The following MCPH1 variants were observed in gnomAD, a reference collection of about 807,000 sequenced individuals.
MCPH1 encodes the protein microcephalin.
In MCPH1, 104 loss-of-function variants were observed where a neutral mutation model predicts 84.5. The ratio of observed to expected loss-of-function variants is 1.23; its 90% CI spans 1.05 to 1.45. The LOEUF (loss-of-function observed/expected upper bound fraction) is 1.45, where lower values mean the gene tolerates loss of function less well. Ranked by LOEUF, MCPH1 falls within the 40% of genes most tolerant of loss-of-function variation. MCPH1 has a pLI of 0.00. For synonymous variants in MCPH1, 514 were observed against 366.8 expected (o/e 1.40, Z -4.58); for missense variants, 1,498 against 1,005.7 (o/e 1.49, Z -6.62).
At position 6,427,767 on chromosome 8, in the gene MCPH1, C is replaced by T. The variant is rs1483022763; in HGVS notation, c.234-3732C>T. ...CCTAGGTTATGTATAATACCTAATA[C>T]GAGTACTTCGTAAGTAGTTATTATA... On this transcript the variant is annotated intron_variant, in intron 3 of 13. Coordinates refer to ENST00000344683, the MANE Select transcript of MCPH1 (RefSeq NM_024596.5). 4.0e-5 allele frequency among the ~76,000 whole-genome samples: 6 copies of T among 148,214 alleles called. No individual in the cohort carries two copies. The East Asian group carries it at 6.1e-4, about 15-fold the overall frequency.
chr8:6,477,450 A>T, intron 9 of MCPH1, 144 bp from the exon 10 acceptor site: 1 of 689,562 alleles, frequency 1.5e-6, no homozygotes, highest in Non-Finnish European at 2.4e-6. Flanking sequence ...AGGAATATAA[A>T]GGTTTTTTTT....
chr8:6,425,541 C>T (rs1328607166), intron 3 of MCPH1, among the ~76,000 whole-genome samples: 2 of 152,142 alleles, frequency 1.3e-5, no homozygotes, highest in Non-Finnish European at 2.9e-5. Context: ...AGATGAAATT[C>T]AGGGAGAGCA....
At chr8:6,551,117 C>A (rs955062858) in intron 12 of MCPH1, among the ~76,000 whole-genome samples, 3 of 152,218 alleles carry the variant, frequency 2.0e-5, no homozygotes, top group Non-Finnish European at 2.9e-5. Flanking sequence ...TCCTGGGCCC[C>A]TGACTCGAAG....
At chr8:6,507,984 G>A (rs1814125843) in intron 12 of MCPH1, 1 of 152,108 alleles carries the variant, frequency 6.6e-6, no homozygotes, top group Admixed American at 6.5e-5. Context: ...ATGGTTTTTG[G>A]CTTATGAGTG....
intron 9 of MCPH1, among the ~76,000 whole-genome samples, chr8:6,455,661 T>C (rs930018599): frequency 6.6e-6 from 1 of 152,220 alleles, no homozygotes; most frequent in African/African-American, 2.4e-5. Context: ...AAGGTTTATA[T>C]ACTAACACTC....
rs200722999 is a variant in MCPH1 at position 6,499,066 on chromosome 8, T to A, written c.2137-786T>A. Among the ~76,000 whole-genome samples the A allele has an allele frequency of 1.7e-4, 25 of 148,182 alleles. No individual in the cohort carries two copies. The East Asian group carries it at 5.0e-3, about 30-fold the overall frequency. On this transcript the variant is annotated intron_variant, in intron 11 of 13. Transcript: ENST00000344683. The stretch of plus-strand genomic sequence containing the variant: ...GAGTTTGTCTCAAAAAATAAATAAA[T>A]TAAATAAATAAATAAATAAATAAAT...
intron 11 of MCPH1, among the ~76,000 whole-genome samples, chr8:6,490,565 G>C (rs1810448021): frequency 6.6e-6 from 1 of 152,152 alleles, no homozygotes; most frequent in African/African-American, 2.4e-5. Flanking sequence ...AGAAATACTA[G>C]ATTTTAGGAA....
At chr8:6,473,876 C>T (rs1005429792) in intron 9 of MCPH1, 1 of 1,508,434 alleles carries the variant, frequency 6.6e-7, no homozygotes, top group Admixed American at 2.2e-5. Flanking sequence ...CTGCTCAATC[C>T]ATTTCAAGAT....
chr8:6,453,396 CTTTTT>C (rs11459930), intron 8 of MCPH1, among the ~76,000 whole-genome samples: 1 of 147,404 alleles, frequency 6.8e-6, no homozygotes, highest in Non-Finnish European at 1.5e-5. Context: ...CAATATCAGT[CTTTTT>C]TTTTTTTAAT....
chr8:6,495,066 A>C (rs117895352), intron 11 of MCPH1, among the ~76,000 whole-genome samples: 6 of 152,338 alleles, frequency 3.9e-5, no homozygotes, highest in Non-Finnish European at 8.8e-5. Flanking sequence ...ATTTTGGAAC[A>C]GATATTATTG....
chr8:6,559,455 G>C (rs1478571714), intron 12 of MCPH1, among the ~76,000 whole-genome samples: 2 of 152,156 alleles, frequency 1.3e-5, no homozygotes, highest in African/African-American at 2.4e-5. Flanking sequence ...GAAAGAAAAG[G>C]ATTGCAATTC....
Position 6,461,321 on chromosome 8 carries a change from G to A in MCPH1, c.1935+6069G>A, listed in dbSNP as rs771790211. Among the ~76,000 whole-genome samples, 8 of 119,804 alleles carry A rather than the reference G, an allele frequency of 6.7e-5. No individual in the cohort carries two copies. The Admixed American group carries it at 8.0e-4, about 12-fold the overall frequency. 78.6% of individuals were successfully genotyped at this position (119,804 alleles called of 152,430 possible). ...TAAATATACTTGTTTCAAATTTGTT[G>A]AGACTTTTTTTTTTTTTTTTTTGAG... is the stretch of plus-strand genomic sequence containing the variant. On this transcript the variant is annotated intron_variant, in intron 9 of 13. Coordinates refer to ENST00000344683, the MANE Select transcript of MCPH1 (RefSeq NM_024596.5).
intron 8 of MCPH1, chr8:6,446,992 G>A: frequency 1.0e-6 from 1 of 984,964 alleles, no homozygotes; most frequent in Non-Finnish European, 1.2e-6. Context: ...GCTCAGTGGT[G>A]CAGGCCATCA....
intron 12 of MCPH1, chr8:6,514,824 C>T (rs1240643624): frequency 1.3e-6 from 2 of 1,527,598 alleles, no homozygotes; most frequent in East Asian, 2.3e-5. Context: ...CCCCCCACTC[C>T]CCCCTTACGT....
intron 12 of MCPH1, among the ~76,000 whole-genome samples, chr8:6,552,808 A>G (rs1288498680): frequency 6.9e-6 from 1 of 144,342 alleles, no homozygotes; most frequent in Non-Finnish European, 1.5e-5. Flanking sequence ...TTCTACAGTT[A>G]TTCCTGCTTT....
At chr8:6,453,294 G>C (rs1421262962) in intron 8 of MCPH1, among the ~76,000 whole-genome samples, 1 of 144,796 alleles carries the variant, frequency 6.9e-6, no homozygotes, top group African/African-American at 2.6e-5. Flanking sequence ...TGGCAAATTA[G>C]TGTGGCAGAG....
intron 9 of MCPH1, among the ~76,000 whole-genome samples, chr8:6,459,164 G>C (rs1057243449): frequency 6.6e-6 from 1 of 152,176 alleles, no homozygotes; most frequent in African/African-American, 2.4e-5. Context: ...TATAATGTTA[G>C]TATCTCAACC....
chr8:6,536,078 T>G (rs893494140), intron 12 of MCPH1, among the ~76,000 whole-genome samples: 37 of 152,042 alleles, frequency 2.4e-4, no homozygotes, highest in African/African-American at 7.0e-4. Context: ...AAAATTAAAA[T>G]TAAAAGTAAA....
Position 6,439,102 on chromosome 8 carries a change from T to A in MCPH1, c.580+6T>A. The A allele has an allele frequency of 3.1e-6, 5 of 1,612,132 alleles. No individual in the cohort carries two copies. The South Asian group carries it at 4.4e-5, about 14-fold the overall frequency. Reference sequence around the variant, plus strand: ...GGAAAATCTTTCCCCCACCTGTAAGTAATTAGTTTGTAAAATGAAAATTAT... The same window carrying A: ...GGAAAATCTTTCCCCCACCTGTAAGAAATTAGTTTGTAAAATGAAAATTAT... On this transcript the variant is annotated splice_donor_region_variant and intron_variant, in intron 6 of 13. Transcript: ENST00000344683.
Sources: gnomAD v4.1 joint callset for allele counts (sites outside exome capture counted in the v4.1 genomes callset) on GRCh38, gnomAD v4.1.1 for gene constraint, MANE v1.5 for transcripts, NCBI Gene and HGNC (gene_info 2026-07-23, HGNC 2026-07-21) for gene names.